The following CHRM2 variants were observed in gnomAD, a reference collection of about 807,000 sequenced individuals.
The protein encoded by CHRM2 is muscarinic acetylcholine receptor M2.
Under a neutral mutation model 25.0 loss-of-function variants are expected in CHRM2, and 8 were observed. The observed-to-expected ratio is 0.32, with a 90% CI of 0.19 to 0.58. CHRM2 has a LOEUF of 0.58. Ranked by LOEUF, CHRM2 falls within the 20% of genes least tolerant of loss-of-function variation. CHRM2 has a pLI of 0.88. For synonymous variants in CHRM2, 202 were observed against 205.7 expected (o/e 0.98, Z 0.15); for missense variants, 440 against 567.1 (o/e 0.78, Z 2.28).
intron 2 of CHRM2, among the ~76,000 whole-genome samples, chr7:136,965,811 C>A (rs1293342121): frequency 1.3e-5 from 2 of 150,438 alleles, no homozygotes; most frequent in African/African-American, 4.9e-5. Flanking sequence ...AGAACACAGA[C>A]AAAAATAATA....
At chr7:136,894,223 T>G (rs1055427345) in intron 2 of CHRM2, among the ~76,000 whole-genome samples, 3 of 152,110 alleles carry the variant, frequency 2.0e-5, no homozygotes, top group African/African-American at 7.2e-5. Flanking sequence ...TATGCACAAA[T>G]GAGAAATCAT....
At chr7:136,945,765 T>C (rs968538047) in intron 2 of CHRM2, among the ~76,000 whole-genome samples, 2 of 152,146 alleles carry the variant, frequency 1.3e-5, no homozygotes, top group African/African-American at 4.8e-5. Context: ...CTCACCTCAA[T>C]TTTTAAGATA....
intron 2 of CHRM2, among the ~76,000 whole-genome samples, chr7:136,937,975 A>G (rs759493104): frequency 2.0e-5 from 3 of 152,188 alleles, no homozygotes; most frequent in Non-Finnish European, 4.4e-5. Context: ...ATGAAGCCTG[A>G]TGGCTTTGCT....
rs1805305789 is a variant in CHRM2 at position 137,018,856 on chromosome 7, G to A, written c.*2590G>A. The stretch of plus-strand genomic sequence containing the variant: ...TGATAGATGATTGGAGAGATATGGA[G>A]ATTATATTCAAGGATTTTTATTAAC... On this transcript the variant is annotated 3_prime_UTR_variant, in exon 4 of 4. Transcript: ENST00000680005. The A allele has an allele frequency of 6.6e-6, 1 of 151,922 alleles. No homozygotes were observed. Among genetic ancestry groups the A allele is most frequent in the Non-Finnish European group, 1.5e-5 (1 of 67,906 alleles). 9.4% of individuals were successfully genotyped at this position (151,922 alleles called of 1,614,324 possible).
intron 2 of CHRM2, among the ~76,000 whole-genome samples, chr7:136,978,684 A>G (rs994613351): frequency 1.3e-5 from 2 of 152,098 alleles, no homozygotes; most frequent in African/African-American, 4.8e-5. Flanking sequence ...CCCACTTATG[A>G]GTGAGAACAT....
rs150546868 is a variant in CHRM2 at position 136,993,967 on chromosome 7, C to T, written c.-47+1703C>T. ...TAAATAAATAAGAAAATAAATAAAC[C>T]GATGTGACTATGTTTCCACTGTTTT... On this transcript the variant is annotated intron_variant, in intron 3 of 3. Transcript: ENST00000680005. Among the ~76,000 whole-genome samples the T allele has an allele frequency of 5.0e-4, 76 of 152,168 alleles. 1 individual carries two copies. The East Asian group carries it at 0.014, about 28-fold the overall frequency.
chr7:136,884,969 T>C (rs1796406333), intron 2 of CHRM2, among the ~76,000 whole-genome samples: 1 of 152,212 alleles, frequency 6.6e-6, no homozygotes, highest in Non-Finnish European at 1.5e-5. Context: ...GTTGGTTTTG[T>C]GTCTTTCCTG....
intron 3 of CHRM2, among the ~76,000 whole-genome samples, chr7:136,995,744 C>A (rs938233459): frequency 1.3e-5 from 2 of 151,792 alleles, no homozygotes; most frequent in African/African-American, 2.4e-5. Flanking sequence ...CCAGCCTTTG[C>A]AACAGAGCAA....
intron 3 of CHRM2, among the ~76,000 whole-genome samples, chr7:137,011,985 C>A (rs1197926349): frequency 6.6e-6 from 1 of 152,032 alleles, no homozygotes; most frequent in African/African-American, 2.4e-5. Context: ...GATTTTGAAT[C>A]CCTACTTTTC....
intron 2 of CHRM2, among the ~76,000 whole-genome samples, chr7:136,908,809 C>T (rs4443606): frequency 0.018 from 2,726 of 151,918 alleles, 82 homozygotes; most frequent in African/African-American, 0.063. Flanking sequence ...ACAAGTTTCC[C>T]CCATGTCAGT....
Position 137,015,582 on chromosome 7 carries a change from G to T in CHRM2, c.717G>T (p.Arg239Ser). The T allele has an allele frequency of 6.2e-7, 1 of 1,612,878 alleles. No individual in the cohort carries two copies. Among genetic ancestry groups the T allele is most frequent in the Non-Finnish European group, 8.5e-7 (1 of 1,179,504 alleles). Residue 239 changes from arginine (R) to serine (S), a missense_variant, in exon 4 of 4, where the codon AGG becomes AGT. By Grantham distance (110) the Arg-to-Ser change is moderately radical (BLOSUM62 -1). Transcript: ENST00000680005. The surrounding 1 kb of genome is among the most constrained non-coding windows in gnomAD (Gnocchi z 5.1). ...TTTCTCCAAGTCTGGTACAAGGAAG[G>T]ATAGTGAAGCCAAACAATAACAACA... ...DPVSPSLVQG[R>S]IVKPNNNNMP...
At chr7:136,991,689 T>C (rs1049309644) in intron 2 of CHRM2, among the ~76,000 whole-genome samples, 2 of 152,148 alleles carry the variant, frequency 1.3e-5, no homozygotes, top group Non-Finnish European at 1.5e-5. Flanking sequence ...CAATCTTCTC[T>C]TGATTTTATT....
intron 2 of CHRM2, among the ~76,000 whole-genome samples, chr7:136,938,017 G>A (rs1487706574): frequency 6.6e-6 from 1 of 152,124 alleles, no homozygotes; most frequent in Non-Finnish European, 1.5e-5. Flanking sequence ...GGCACAGACA[G>A]GACTCTGAAA....
At chr7:136,937,881 T>C (rs1037916466) in intron 2 of CHRM2, among the ~76,000 whole-genome samples, 1 of 152,140 alleles carries the variant, frequency 6.6e-6, no homozygotes, top group African/African-American at 2.4e-5. Context: ...ACACAGTCCA[T>C]GATGACATTT....
At chr7:136,913,365 C>T (rs1797944054) in intron 2 of CHRM2, among the ~76,000 whole-genome samples, 1 of 151,844 alleles carries the variant, frequency 6.6e-6, no homozygotes, top group African/African-American at 2.4e-5. Flanking sequence ...TAAAAGAATC[C>T]ATTTTCAGAA....
chr7:136,964,364 A>G (rs947745382), intron 2 of CHRM2, among the ~76,000 whole-genome samples: 1 of 152,128 alleles, frequency 6.6e-6, no homozygotes, highest in African/African-American at 2.4e-5. Context: ...TTTGTAGTCA[A>G]TAAAAAATAC....
At chr7:136,938,544 T>C (rs545074432) in intron 2 of CHRM2, 277 of 922,466 alleles carry the variant, frequency 3.0e-4, no homozygotes, top group Non-Finnish European at 2.5e-4. Flanking sequence ...GTGACTGCAG[T>C]GATCCCTCCC....
intron 3 of CHRM2, among the ~76,000 whole-genome samples, chr7:137,006,626 C>T (rs1804445590): frequency 6.6e-6 from 1 of 152,040 alleles, no homozygotes; most frequent in African/African-American, 2.4e-5. Flanking sequence ...CAGCTACTTT[C>T]ATTCTGTTCT....
At chr7:136,921,503 C>T (rs545460978) in intron 2 of CHRM2, among the ~76,000 whole-genome samples, 2 of 152,194 alleles carry the variant, frequency 1.3e-5, no homozygotes, top group South Asian at 4.2e-4. Context: ...TGCATGTGTC[C>T]CTCGTGCATG....
Sources: gnomAD v4.1 joint callset for allele counts (sites outside exome capture counted in the v4.1 genomes callset) on GRCh38, gnomAD v4.1.1 for gene constraint, Gnocchi (gnomAD v3.1) non-coding constraint, MANE v1.5 for transcripts, NCBI Gene and HGNC (gene_info 2026-07-23, HGNC 2026-07-21) for gene names.